NIPAL2: variants seen among roughly 807,000 people sequenced by gnomAD.
NIPAL2 encodes NIPA-like protein 2.
Under a neutral mutation model 48.9 loss-of-function variants are expected in NIPAL2, and 43 were observed. The ratio of observed to expected loss-of-function variants is 0.88; its 90% CI spans 0.69 to 1.13. NIPAL2 has a LOEUF of 1.13. NIPAL2 is among the 50% of genes most tolerant of loss of function. The pLI, the probability that NIPAL2 is intolerant of heterozygous loss-of-function variation, is 0.00. For synonymous variants in NIPAL2, 167 were observed against 174.6 expected, an observed-to-expected ratio of 0.96 and a Z score of 0.34; for missense variants, 446 against 461.4, an observed-to-expected ratio of 0.97 and a Z score of 0.31.
At chr8:98,228,214 G>T (rs1389748155) in intron 4 of NIPAL2, among the ~76,000 whole-genome samples, 2 of 152,164 alleles carry the variant, frequency 1.3e-5, no homozygotes, top group African/African-American at 4.8e-5. Flanking sequence ...CCTGAGTTTT[G>T]GTTCTTACGA....
At chr8:98,286,322 C>T (rs1015632837) in intron 1 of NIPAL2, among the ~76,000 whole-genome samples, 1 of 152,190 alleles carries the variant, frequency 6.6e-6, no homozygotes, top group African/African-American at 2.4e-5. Flanking sequence ...GCTGAGGCCA[C>T]AGGCAAGCAG....
intron 4 of NIPAL2, among the ~76,000 whole-genome samples, chr8:98,233,027 A>G (rs1812517628): frequency 6.6e-6 from 1 of 152,194 alleles, no homozygotes. Context: ...TGGGAGGCAG[A>G]GGTGCGTGGA....
chr8:98,243,440 G>A (rs1445567206), intron 3 of NIPAL2, among the ~76,000 whole-genome samples: 2 of 152,188 alleles, frequency 1.3e-5, no homozygotes, highest in African/African-American at 4.8e-5. Context: ...CCAGAGCGAG[G>A]TATGTGTCTT....
intron 4 of NIPAL2, among the ~76,000 whole-genome samples, chr8:98,226,353 C>G (rs1301098139): frequency 6.6e-6 from 1 of 152,064 alleles, no homozygotes; most frequent in Non-Finnish European, 1.5e-5. Context: ...TTGTACCCAT[C>G]CTTCTTTGGA....
chr8:98,230,526 A>G (rs1812391864), intron 4 of NIPAL2, among the ~76,000 whole-genome samples: 1 of 152,214 alleles, frequency 6.6e-6, no homozygotes, highest in South Asian at 2.1e-4. Context: ...CCAGAGGAGG[A>G]TATGGTTGTC....
chr8:98,274,844 T>C (rs954572477), intron 1 of NIPAL2, among the ~76,000 whole-genome samples: 1 of 152,090 alleles, frequency 6.6e-6, no homozygotes, highest in Non-Finnish European at 1.5e-5. Flanking sequence ...TTCCTTTGCA[T>C]CCCAATTTCT....
chr8:98,205,935 T>C (rs1368299231), intron 6 of NIPAL2, among the ~76,000 whole-genome samples: 2 of 152,254 alleles, frequency 1.3e-5, no homozygotes. Flanking sequence ...TAGCTATTTA[T>C]GTTCTATGCT....
chr8:98,244,913 T>A (rs1341655553), intron 3 of NIPAL2, among the ~76,000 whole-genome samples: 3 of 152,230 alleles, frequency 2.0e-5, no homozygotes, highest in African/African-American at 7.2e-5. Flanking sequence ...AATAAAAATT[T>A]CATCCATTTT....
rs1335187098 is a variant in NIPAL2 at position 98,294,094 on chromosome 8, G to A, written c.44C>T (p.Ala15Val). Residue 15 changes from alanine (A) to valine (V), a missense_variant, in exon 1 of 11, where the codon GCC (alanine) becomes GTC (valine). Transcript: ENST00000430223. ...APAGPGDSASAALDELSLNFT... is the reference protein window; with the variant it reads ...APAGPGDSASVALDELSLNFT... ...ATTCAGTGACAGCTCGTCCAGGGCG[G>A]CCGAGGCGGAGTCCCCGGGGCCCGC... The A allele has an allele frequency of 6.7e-7, 1 of 1,489,706 alleles. No individual in the cohort carries two copies. Among genetic ancestry groups the A allele is most frequent in the Admixed American group, 2.4e-5 (1 of 42,402 alleles). 92.3% of individuals were successfully genotyped at this position (1,489,706 alleles called of 1,614,324 possible).
At chr8:98,244,786 T>A (rs1813220668) in intron 3 of NIPAL2, among the ~76,000 whole-genome samples, 1 of 152,200 alleles carries the variant, frequency 6.6e-6, no homozygotes, top group South Asian at 2.1e-4. Context: ...TGTGTTATTG[T>A]CCAATTTTTA....
chr8:98,286,812 C>CAA lies in NIPAL2; in HGVS notation c.135+7189_135+7190dup, dbSNP rs1182876107. 2.2e-3 allele frequency among the ~76,000 whole-genome samples: 129 copies of CAA among 57,474 alleles called. 1 individual carries two copies. Among genetic ancestry groups the CAA allele is most frequent in the Non-Finnish European group, 3.1e-3 (89 of 28,774 alleles). The allele number at this position is 57,474 out of a possible 152,430, so 37.7% of individuals were successfully genotyped here. A position where few individuals can be genotyped will look rare whatever the true frequency, so the allele number is the denominator to read the frequency against. Reference sequence around the variant, plus strand: ...CCTGAGTGACAGAGTGAGACTCTGTCAAAAAAAAAAAAAAAAAAAAAACCA... The same window carrying CAA: ...CCTGAGTGACAGAGTGAGACTCTGTCAAAAAAAAAAAAAAAAAAAAAAAACCA... On this transcript the variant is annotated intron_variant, in intron 1 of 10. Transcript: ENST00000430223.
At chr8:98,276,765 T>C (rs1018401958) in intron 1 of NIPAL2, among the ~76,000 whole-genome samples, 3 of 151,902 alleles carry the variant, frequency 2.0e-5, no homozygotes, top group Non-Finnish European at 4.4e-5. Context: ...CTTTCTTTTT[T>C]TTTTCTTTTC....
intron 4 of NIPAL2, among the ~76,000 whole-genome samples, chr8:98,233,296 C>T (rs1812536935): frequency 6.6e-6 from 1 of 151,604 alleles, no homozygotes. Context: ...CAAAGAATCC[C>T]AAATAATTAA....
Position 98,274,267 on chromosome 8 carries a change from ATCTC to A in NIPAL2, c.135+19732_135+19735del, listed in dbSNP as rs1293226133. The stretch of plus-strand genomic sequence containing the variant: ...TATTCTATCATCTATCTATCTATCT[ATCTC>A]TCTATCTATCTATCTATCCATCCAC... On this transcript the variant is annotated intron_variant, in intron 1 of 10. Transcript: ENST00000430223. Among the ~76,000 whole-genome samples the A allele has an allele frequency of 5.0e-4, 76 of 151,516 alleles. No homozygotes were observed. In the South Asian group the frequency reaches 0.011, roughly 21 times the overall value.
chr8:98,226,552 GTTCTC>G (rs1337432388), intron 4 of NIPAL2, among the ~76,000 whole-genome samples: 2 of 152,026 alleles, frequency 1.3e-5, no homozygotes, highest in African/African-American at 4.8e-5. Context: ...AGAGACTCTT[GTTCTC>G]TTCTCTTACT....
At position 98,220,668 on chromosome 8, in the gene NIPAL2, T is replaced by C. The variant is rs528951276; in HGVS notation, c.558+1811A>G. 4.6e-5 allele frequency among the ~76,000 whole-genome samples: 7 copies of C among 152,274 alleles called. No individual in the cohort carries two copies. The East Asian group carries it at 7.7e-4, about 17-fold the overall frequency. ...GAGTGATTCTCCCACCTTGGCTTCC[T>C]GAAGTGTTGGGTAACAGATGTACAC... On this transcript the variant is annotated intron_variant, in intron 5 of 10. Transcript: ENST00000430223.
chr8:98,204,769 G>C (rs956533614), intron 7 of NIPAL2, among the ~76,000 whole-genome samples: 1 of 151,892 alleles, frequency 6.6e-6, no homozygotes, highest in Non-Finnish European at 1.5e-5. Context: ...TAGAATGAAA[G>C]CCTGGATGTG....
At chr8:98,268,103 T>A (rs1814884457) in intron 1 of NIPAL2, among the ~76,000 whole-genome samples, 1 of 152,174 alleles carries the variant, frequency 6.6e-6, no homozygotes, top group South Asian at 2.1e-4. Flanking sequence ...CAGAAACAAG[T>A]GGGCAGAGAT....
At chr8:98,292,402 C>G (rs979275529) in intron 1 of NIPAL2, among the ~76,000 whole-genome samples, 3 of 152,188 alleles carry the variant, frequency 2.0e-5, no homozygotes, top group Admixed American at 2.0e-4. Flanking sequence ...TATAAGAGGG[C>G]CTAAATTTGC....
Sources: allele counts gnomAD v4.1 joint callset (sites outside exome capture counted in the v4.1 genomes callset), GRCh38; gene constraint gnomAD v4.1.1; transcripts MANE v1.5; gene names NCBI Gene and HGNC (gene_info 2026-07-23, HGNC 2026-07-21).